The following MPPED2 variants were observed in gnomAD, a reference collection of about 807,000 sequenced individuals.
The protein encoded by MPPED2 is metallophosphoesterase MPPED2.
MPPED2 carries 5 observed loss-of-function variants against 33.0 expected under a neutral mutation model. That is an observed-to-expected ratio of 0.15 (90% confidence interval 0.08 to 0.32). The LOEUF is 0.32. MPPED2 is among the 10% of genes least tolerant of loss of function. MPPED2 has a pLI of 1.00. For missense variants in MPPED2, 275 were observed against 372.1 expected (o/e 0.74, Z 2.15); for synonymous variants, 136 against 141.9 (o/e 0.96, Z 0.29).
chr11:30,460,245 A>G (rs898901674), intron 4 of MPPED2, among the ~76,000 whole-genome samples: 4 of 152,144 alleles, frequency 2.6e-5, no homozygotes, highest in Non-Finnish European at 4.4e-5. Context: ...TTCTTTTGAT[A>G]CATTTCTGCT....
intron 2 of MPPED2, among the ~76,000 whole-genome samples, chr11:30,556,899 T>A (rs555084613): frequency 7.9e-5 from 12 of 152,050 alleles, no homozygotes; most frequent in African/African-American, 2.9e-4. Flanking sequence ...CCAGAAAATG[T>A]AAGAAGAAAG....
chr11:30,459,218 G>C (rs562616026), intron 4 of MPPED2, among the ~76,000 whole-genome samples: 11 of 152,206 alleles, frequency 7.2e-5, no homozygotes, highest in Non-Finnish European at 1.0e-4. Context: ...AGGTAAAGGA[G>C]TTTTTGTTCA....
intron 4 of MPPED2, among the ~76,000 whole-genome samples, chr11:30,494,524 G>A (rs1952142297): frequency 6.6e-6 from 1 of 151,982 alleles, no homozygotes; most frequent in Non-Finnish European, 1.5e-5. Context: ...AATCACCTGA[G>A]GTCAGGAGTT....
intron 4 of MPPED2, among the ~76,000 whole-genome samples, chr11:30,419,017 A>G (rs1423709248): frequency 6.6e-6 from 1 of 152,252 alleles, no homozygotes; most frequent in East Asian, 1.9e-4. Flanking sequence ...AGAAACTAGG[A>G]AAGTATCAGA....
intron 2 of MPPED2, among the ~76,000 whole-genome samples, chr11:30,543,627 G>T (rs1955250268): frequency 1.3e-5 from 2 of 152,052 alleles, no homozygotes; most frequent in Non-Finnish European, 2.9e-5. Flanking sequence ...GAATTAGCAA[G>T]ACTTTAAATA....
chr11:30,527,041 C>T (rs1954231025), intron 3 of MPPED2, among the ~76,000 whole-genome samples: 1 of 152,056 alleles, frequency 6.6e-6, no homozygotes. Context: ...TGCCCTGCCT[C>T]AGCCTCTCGG....
intron 4 of MPPED2, among the ~76,000 whole-genome samples, chr11:30,484,332 G>T (rs1458726): frequency 0.29 from 44,722 of 151,788 alleles, 7,090 homozygotes; most frequent in African/African-American, 0.42. Flanking sequence ...TTCTTTTCTT[G>T]CTACAAATTT....
At chr11:30,487,822 T>C (rs1951807566) in intron 4 of MPPED2, among the ~76,000 whole-genome samples, 1 of 151,684 alleles carries the variant, frequency 6.6e-6, no homozygotes. Context: ...GTTTTTTCTC[T>C]TCCCTCAATG....
In MPPED2 at chr11:30,568,031, A is replaced by G. The variant is rs79431670; in HGVS notation, c.128+12215T>C. Among the ~76,000 whole-genome samples, 187 of 152,332 alleles carry G rather than the reference A, an allele frequency of 1.2e-3. 4 individuals are homozygous for G. The East Asian group carries it at 0.033, about 27-fold the overall frequency. On this transcript the variant is annotated intron_variant, in intron 2 of 6. Transcript: ENST00000358117. ...TGATGGACTACATATCACTATTAAA[A>G]CTGCAGAAGCTCATGTTAATGTTTT...
At chr11:30,474,998 C>T (rs189785375) in intron 4 of MPPED2, among the ~76,000 whole-genome samples, 1 of 152,154 alleles carries the variant, frequency 6.6e-6, no homozygotes, top group Admixed American at 6.5e-5. Flanking sequence ...ATACTGAAAG[C>T]AATAATAGCC....
At chr11:30,472,690 T>C (rs766741391) in intron 4 of MPPED2, among the ~76,000 whole-genome samples, 3 of 152,330 alleles carry the variant, frequency 2.0e-5, no homozygotes, top group Non-Finnish European at 2.9e-5. Context: ...ATTCCACTTA[T>C]GTGAGTTACC....
chr11:30,580,779 G>T (rs1957130271), intron 1 of MPPED2, among the ~76,000 whole-genome samples: 1 of 152,144 alleles, frequency 6.6e-6, no homozygotes, highest in Admixed American at 6.5e-5. Context: ...TACGGAAGGG[G>T]CATATCCACC....
intron 6 of MPPED2, among the ~76,000 whole-genome samples, chr11:30,400,884 C>G (rs907133295): frequency 6.6e-6 from 1 of 152,136 alleles, no homozygotes; most frequent in African/African-American, 2.4e-5. Flanking sequence ...CTTCTTGCCT[C>G]AGCCTCCTGA....
chr11:30,458,995 GGCTCACT>G (rs2133990647), intron 4 of MPPED2, among the ~76,000 whole-genome samples: 1 of 129,914 alleles, frequency 7.7e-6, no homozygotes, highest in East Asian at 2.3e-4. Flanking sequence ...GCGGGATCTC[GGCTCACT>G]GCAAGCTCCG....
At chr11:30,514,678 A>C (rs1953423611) in intron 3 of MPPED2, among the ~76,000 whole-genome samples, 1 of 152,202 alleles carries the variant, frequency 6.6e-6, no homozygotes, top group South Asian at 2.1e-4. Flanking sequence ...CAGCCTGGTA[A>C]GATATTATAA....
At chr11:30,479,444 A>AG (rs1457831932) in intron 4 of MPPED2, among the ~76,000 whole-genome samples, 1 of 152,136 alleles carries the variant, frequency 6.6e-6, no homozygotes, top group Admixed American at 6.5e-5. Context: ...TGAGAAGAGT[A>AG]GGGGGAGAAT....
At chr11:30,548,738 C>T (rs541465148) in intron 2 of MPPED2, among the ~76,000 whole-genome samples, 41 of 152,236 alleles carry the variant, frequency 2.7e-4, no homozygotes, top group Admixed American at 5.2e-4. Context: ...ATAAAAGAAA[C>T]AATTTAAATT....
intron 3 of MPPED2, among the ~76,000 whole-genome samples, chr11:30,501,937 C>T (rs1952584320): frequency 6.6e-6 from 1 of 152,160 alleles, no homozygotes; most frequent in African/African-American, 2.4e-5. Context: ...AAGCTGTGCT[C>T]CGTGAAGCCT....
intron 4 of MPPED2, among the ~76,000 whole-genome samples, chr11:30,485,160 C>T (rs561516067): frequency 6.6e-6 from 1 of 152,004 alleles, no homozygotes; most frequent in Non-Finnish European, 1.5e-5. Flanking sequence ...GGAAGCAAAC[C>T]GATTTGGGAC....
Sources: gnomAD v4.1 joint callset for allele counts (sites outside exome capture counted in the v4.1 genomes callset) on GRCh38, gnomAD v4.1.1 for gene constraint, MANE v1.5 for transcripts, NCBI Gene and HGNC (gene_info 2026-07-23, HGNC 2026-07-21) for gene names.